Variants in PCDH7 observed in about 807,000 individuals in gnomAD.
PCDH7 encodes the protein protocadherin 7, also known as protocadherin-7.
PCDH7 carries 17 observed loss-of-function variants against 58.9 expected under a neutral mutation model. That is an observed-to-expected ratio of 0.29 (90% CI 0.20 to 0.43). The LOEUF (loss-of-function observed/expected upper bound fraction) is 0.43. Ranked by LOEUF, PCDH7 falls within the 20% of genes least tolerant of loss-of-function variation. PCDH7 has a pLI of 1.00. For missense variants in PCDH7, 1,274 were observed against 1,441.0 expected, an observed-to-expected ratio of 0.88 and a Z score of 1.88; for synonymous variants, 664 against 616.4, an observed-to-expected ratio of 1.08 and a Z score of -1.14.
At chr4:31,145,844 T>A (rs1720637444), downstream of PCDH7, 1 of 152,118 alleles carries the variant, frequency 6.6e-6, no homozygotes, top group African/African-American at 2.4e-5. Flanking sequence ...ATTTAGAGTT[T>A]TATTCTTTAT....
intron 1 of PCDH7, among the ~76,000 whole-genome samples, chr4:30,903,788 G>A (rs1740532745): frequency 1.3e-5 from 2 of 152,018 alleles, no homozygotes; most frequent in Admixed American, 6.6e-5. Flanking sequence ...ATGTAAATTT[G>A]CAGTGTTTAT....
downstream of PCDH7, chr4:30,733,021 C>G (rs1003108148): frequency 2.0e-5 from 3 of 152,222 alleles, no homozygotes; most frequent in African/African-American, 7.2e-5. Flanking sequence ...AGTCCCCCTT[C>G]CCCAGTCCCT....
At chr4:30,852,797 C>T (rs923609391) in intron 1 of PCDH7, among the ~76,000 whole-genome samples, 1 of 135,888 alleles carries the variant, frequency 7.4e-6, no homozygotes, top group Non-Finnish European at 1.5e-5. Context: ...GCTGTCAGAA[C>T]CAGAACTCAA....
At chr4:30,960,165 G>A (rs1283874677) in intron 3 of PCDH7, among the ~76,000 whole-genome samples, 1 of 144,668 alleles carries the variant, frequency 6.9e-6, no homozygotes, top group Non-Finnish European at 1.5e-5. Flanking sequence ...GAGGGAGGGA[G>A]GGAGGGAGGA....
At chr4:31,139,608 T>C (rs1720013075) in intron 3 of PCDH7, among the ~76,000 whole-genome samples, 1 of 152,200 alleles carries the variant, frequency 6.6e-6, no homozygotes, top group Non-Finnish European at 1.5e-5. Flanking sequence ...AATATATGCA[T>C]GCATAATTAA....
chr4:30,722,118 C>A lies in PCDH7; in HGVS notation c.696C>A (p.Gly232=). Residue 232 remains glycine, a synonymous_variant, in exon 1 of 2, where the codon GGC becomes GGA. Transcript: ENST00000361762. This position sits in a 1 kb window ranked among gnomAD's most constrained non-coding sequence, Gnocchi z 7.6. ...GGCGGCTGGACGCATCAGAGGGCGG[C>A]GGCGGCACCAACCCCGGCGGCCGCA... The A allele has an allele frequency of 7.0e-7, 1 of 1,425,286 alleles. No individual in the cohort carries two copies. Among genetic ancestry groups the A allele is most frequent in the South Asian group, 1.5e-5 (1 of 67,174 alleles). The allele number at this position is 1,425,286 out of a possible 1,614,324, so 88.3% of individuals were successfully genotyped here.
intron 3 of PCDH7, among the ~76,000 whole-genome samples, chr4:31,140,258 TA>T (rs1720084489): frequency 6.6e-6 from 1 of 152,094 alleles, no homozygotes; most frequent in Admixed American, 6.6e-5. Flanking sequence ...AATTTCAAAC[TA>T]AAAACACAAA....
intron 3 of PCDH7, among the ~76,000 whole-genome samples, chr4:30,961,464 G>A (rs1012854579): frequency 2.0e-4 from 31 of 151,962 alleles, no homozygotes; most frequent in African/African-American, 6.5e-4. Flanking sequence ...AGGCAGGAGA[G>A]TGGCGTGAAC....
At chr4:30,930,780 AG>A (rs1744477385) in intron 2 of PCDH7, among the ~76,000 whole-genome samples, 1 of 151,192 alleles carries the variant, frequency 6.6e-6, no homozygotes, top group Non-Finnish European at 1.5e-5. Flanking sequence ...AAAAAAAAAA[AG>A]TTTAAAAATT....
At chr4:30,727,366 C>T (rs1714755846) in intron 1 of PCDH7, among the ~76,000 whole-genome samples, 1 of 151,948 alleles carries the variant, frequency 6.6e-6, no homozygotes, top group Non-Finnish European at 1.5e-5. Flanking sequence ...ATAATACTCT[C>T]CCTTAACTGC....
At chr4:30,921,423 C>T (rs965290434) in intron 2 of PCDH7, among the ~76,000 whole-genome samples, 1 of 151,890 alleles carries the variant, frequency 6.6e-6, no homozygotes, top group African/African-American at 2.4e-5. Flanking sequence ...CATATTAATG[C>T]AGGAGAAAGA....
chr4:30,825,675 CA>C (rs1729012778), intron 1 of PCDH7, among the ~76,000 whole-genome samples: 1 of 152,106 alleles, frequency 6.6e-6, no homozygotes. Context: ...AGGAATGGGT[CA>C]AAATTTCATT....
chr4:30,807,141 T>C (rs1726323123), intron 1 of PCDH7, among the ~76,000 whole-genome samples: 3 of 152,200 alleles, frequency 2.0e-5, no homozygotes, highest in African/African-American at 4.8e-5. Flanking sequence ...CAGTTATCCT[T>C]TTCATATATT....
intron 1 of PCDH7, among the ~76,000 whole-genome samples, chr4:30,854,482 G>A (rs750700777): frequency 2.0e-5 from 3 of 151,364 alleles, no homozygotes; most frequent in Non-Finnish European, 2.9e-5. Context: ...TATTCCTCCC[G>A]TATCATATTT....
chr4:30,985,006 G>A (rs964155273), intron 3 of PCDH7, among the ~76,000 whole-genome samples: 1 of 151,862 alleles, frequency 6.6e-6, no homozygotes, highest in African/African-American at 2.4e-5. Context: ...TTGCTCCGTC[G>A]CCCAGACTGG....
chr4:31,049,265 A>G (rs1015497747), intron 3 of PCDH7, among the ~76,000 whole-genome samples: 8 of 152,002 alleles, frequency 5.3e-5, no homozygotes, highest in Admixed American at 5.2e-4. Flanking sequence ...TTATATTGCT[A>G]CTTGAAAGGG....
intron 1 of PCDH7, among the ~76,000 whole-genome samples, chr4:30,874,685 T>TAAA (rs1312364068): frequency 1.3e-5 from 2 of 148,830 alleles, no homozygotes; most frequent in South Asian, 2.1e-4. Context: ...AAACTTAAAG[T>TAAA]ATAATAATAA....
At chr4:30,885,930 T>C (rs1401759100) in intron 1 of PCDH7, among the ~76,000 whole-genome samples, 1 of 152,190 alleles carries the variant, frequency 6.6e-6, no homozygotes. Flanking sequence ...TGTAGAAAGC[T>C]GAAACTGGAT....
At chr4:31,010,349 A>G (rs1327749375) in intron 3 of PCDH7, among the ~76,000 whole-genome samples, 3 of 151,958 alleles carry the variant, frequency 2.0e-5, no homozygotes, top group African/African-American at 7.2e-5. Flanking sequence ...GCAGTTATTA[A>G]TTTACTTGCT....
Sources: allele counts gnomAD v4.1 joint callset (sites outside exome capture counted in the v4.1 genomes callset), GRCh38; gene constraint gnomAD v4.1.1; non-coding constraint Gnocchi (gnomAD v3.1); transcripts MANE v1.5; gene names NCBI Gene and HGNC (gene_info 2026-07-23, HGNC 2026-07-21).